The following SLCO5A1 variants were observed in gnomAD, a reference collection of about 807,000 sequenced individuals.
SLCO5A1 encodes the protein solute carrier organic anion transporter family member 5A1, also known as organic anion transporter polypeptide-related protein 4.
SLCO5A1 carries 39 observed loss-of-function variants against 65.1 expected under a neutral mutation model. The ratio of observed to expected loss-of-function variants is 0.60; its 90% CI spans 0.46 to 0.78. The LOEUF (loss-of-function observed/expected upper bound fraction) is 0.78, where lower values mean the gene tolerates loss of function less well. Ranked by LOEUF, SLCO5A1 falls within the 30% of genes least tolerant of loss-of-function variation. The pLI is 0.00. For synonymous variants in SLCO5A1, 438 were observed against 415.7 expected (o/e 1.05, Z -0.65); for missense variants, 1,029 against 1,069.4 (o/e 0.96, Z 0.53).
chr8:69,699,603 AC>A (rs1352400763), intron 6 of SLCO5A1, among the ~76,000 whole-genome samples: 2 of 152,200 alleles, frequency 1.3e-5, no homozygotes, highest in East Asian at 3.8e-4. Context: ...ATTCTTCAAT[AC>A]CATGAGCAAG....
At chr8:69,745,159 T>C (rs559676316) in intron 4 of SLCO5A1, among the ~76,000 whole-genome samples, 1 of 152,298 alleles carries the variant, frequency 6.6e-6, no homozygotes, top group Admixed American at 6.5e-5. Context: ...GACATTTTCT[T>C]CAAGATTCAA....
intron 2 of SLCO5A1, among the ~76,000 whole-genome samples, chr8:69,798,750 C>T (rs112695251): frequency 2.1e-3 from 326 of 152,320 alleles, no homozygotes; most frequent in African/African-American, 3.1e-3. Flanking sequence ...TCTTCTCAAC[C>T]TTTGAACAAT....
At chr8:69,723,503 G>A (rs773805343) in intron 5 of SLCO5A1, among the ~76,000 whole-genome samples, 7 of 151,354 alleles carry the variant, frequency 4.6e-5, no homozygotes, top group South Asian at 2.1e-4. Flanking sequence ...CTCCAGTCTC[G>A]GCCTCCCAAG....
intron 2 of SLCO5A1, among the ~76,000 whole-genome samples, chr8:69,770,440 AT>A (rs1818271185): frequency 6.6e-6 from 1 of 152,126 alleles, no homozygotes. Flanking sequence ...TTATTTTATA[AT>A]TAATTAATTA....
chr8:69,708,722 G>A (rs6472479), intron 5 of SLCO5A1, among the ~76,000 whole-genome samples: 59,081 of 151,818 alleles, frequency 0.39, 11,637 homozygotes, highest in South Asian at 0.56. Context: ...TGATCAACAT[G>A]GAGAAACCCC....
chr8:69,794,230 AC>A, intron 2 of SLCO5A1: 1 of 459,376 alleles, frequency 2.2e-6, no homozygotes, highest in Non-Finnish European at 4.3e-6. Context: ...GCCCTGTGGT[AC>A]CCTGCTTGTC....
intron 2 of SLCO5A1, among the ~76,000 whole-genome samples, chr8:69,785,236 G>T (rs1299765736): frequency 2.0e-5 from 3 of 152,160 alleles, no homozygotes; most frequent in Non-Finnish European, 4.4e-5. Context: ...GCAAAAAGGG[G>T]GTGGAGATTG....
chr8:69,772,806 A>G (rs964812879), intron 2 of SLCO5A1: 1 of 396,584 alleles, frequency 2.5e-6, no homozygotes, highest in Non-Finnish European at 3.4e-6. Context: ...AAGGTCAGAG[A>G]TCACCCACTC....
At chr8:69,769,192 A>G (rs1189534918) in intron 2 of SLCO5A1, among the ~76,000 whole-genome samples, 2 of 152,186 alleles carry the variant, frequency 1.3e-5, no homozygotes, top group Non-Finnish European at 2.9e-5. Context: ...CCTGACCCAC[A>G]CAGGCCACAG....
intron 4 of SLCO5A1, among the ~76,000 whole-genome samples, chr8:69,740,000 G>C (rs750269966): frequency 1.2e-3 from 177 of 152,326 alleles, no homozygotes; most frequent in Middle Eastern, 3.4e-3. Context: ...TCACATGACT[G>C]TTTTAAGAAA....
chr8:69,797,834 C>CGGTCCTGT (rs1351206935), intron 2 of SLCO5A1, among the ~76,000 whole-genome samples: 16 of 152,290 alleles, frequency 1.1e-4, no homozygotes, highest in African/African-American at 3.6e-4. Context: ...AATTTTGCCC[C>CGGTCCTGT]GGTCCTGTGG....
chr8:69,793,044 T>C (rs907183215), intron 2 of SLCO5A1, among the ~76,000 whole-genome samples: 22 of 152,082 alleles, frequency 1.4e-4, no homozygotes, highest in African/African-American at 5.3e-4. Flanking sequence ...TGCAGTGGCA[T>C]GATCTCAGCT....
At position 69,757,587 on chromosome 8, in the gene SLCO5A1, G is replaced by A. The variant is rs569592972; in HGVS notation, c.1041-1946C>T. Reference sequence around the variant, plus strand: ...CCAGCTACTCGGGAGGCTGAGGCAGGAGAATGGCTTGAACCCAGGAGGCAG... The same window carrying A: ...CCAGCTACTCGGGAGGCTGAGGCAGAAGAATGGCTTGAACCCAGGAGGCAG... On this transcript the variant is annotated intron_variant, in intron 3 of 9. Coordinates refer to ENST00000260126, the MANE Select transcript of SLCO5A1 (RefSeq NM_030958.3). 1.1e-3 allele frequency among the ~76,000 whole-genome samples: 168 copies of A among 152,302 alleles called. 1 individual carries two copies. Among genetic ancestry groups the A allele is most frequent in the African/African-American group, 3.8e-3 (160 of 41,562 alleles).
chr8:69,816,200 T>C (rs555999361), intron 2 of SLCO5A1, among the ~76,000 whole-genome samples: 20 of 152,298 alleles, frequency 1.3e-4, no homozygotes, highest in Middle Eastern at 3.4e-3. Flanking sequence ...GGGGCTCTTC[T>C]GGACATCGTA....
At chr8:69,805,716 T>G (rs1352254336) in intron 2 of SLCO5A1, among the ~76,000 whole-genome samples, 2 of 152,140 alleles carry the variant, frequency 1.3e-5, no homozygotes, top group East Asian at 3.9e-4. Flanking sequence ...GCACTAGAAA[T>G]ACAGCCCCTT....
chr8:69,723,744 C>T (rs1351213550), intron 5 of SLCO5A1, among the ~76,000 whole-genome samples: 2 of 150,624 alleles, frequency 1.3e-5, no homozygotes, highest in East Asian at 3.9e-4. Flanking sequence ...AGGATAGGTG[C>T]TCATTCGTTT....
At chr8:69,753,309 A>T (rs2130857034) in intron 4 of SLCO5A1, among the ~76,000 whole-genome samples, 1 of 152,222 alleles carries the variant, frequency 6.6e-6, no homozygotes, top group East Asian at 1.9e-4. Context: ...TCTGGTTAAG[A>T]CTTCTCTGGG....
rs144909284 is a variant in SLCO5A1, at chr8:69,832,441, G to C, written c.233C>G (p.Pro78Arg). Residue 78 changes from proline to arginine, a missense_variant, in exon 2 of 10, where the codon CCG (proline) becomes CGG (arginine). Pro to Arg is a moderately radical substitution (Grantham distance 103). Coordinates refer to ENST00000260126, the MANE Select transcript of SLCO5A1 (RefSeq NM_030958.3). This position sits in a 1 kb window ranked among gnomAD's most constrained non-coding sequence, Gnocchi z 4.5. ...GHQELKQGPN[P>R]LAPSPSAPST... ...CGGGGCAGAGGGACTGGGGGCCAAC[G>C]GGTTCGGGCCTTGCTTCAACTCCTG... 1.7e-4 allele frequency: 272 copies of C among 1,613,076 alleles called. No individual in the cohort carries two copies. In the African/African-American group the frequency reaches 2.9e-3, roughly 17 times the overall value.
chr8:69,729,730 C>T lies in SLCO5A1; in HGVS notation c.1423+8310G>A, dbSNP rs147056723. Reference sequence around the variant, plus strand: ...CGTGTGTGTGTGTGAGAGAGAGATTCGTAATATGCTGCAAGCATGGACATC... The same window carrying T: ...CGTGTGTGTGTGTGAGAGAGAGATTTGTAATATGCTGCAAGCATGGACATC... On this transcript the variant is annotated intron_variant, in intron 5 of 9. Transcript: ENST00000260126. Among the ~76,000 whole-genome samples, 352 of 152,098 alleles carry T rather than the reference C, an allele frequency of 2.3e-3. 3 individuals carry two copies. Among genetic ancestry groups the T allele is most frequent in the African/African-American group, 8.3e-3 (345 of 41,504 alleles).
Sources: gnomAD v4.1 joint callset for allele counts (sites outside exome capture counted in the v4.1 genomes callset) on GRCh38, gnomAD v4.1.1 for gene constraint, Gnocchi (gnomAD v3.1) non-coding constraint, MANE v1.5 for transcripts, NCBI Gene and HGNC (gene_info 2026-07-23, HGNC 2026-07-21) for gene names.